NYAP2: variants seen among roughly 807,000 people sequenced by gnomAD.
The protein encoded by NYAP2 is neuronal tyrosine-phosphorylated phosphoinositide-3-kinase adapter 2.
A neutral mutation model predicts 50.4 loss-of-function variants in NYAP2; 23 were observed. The observed-to-expected ratio is 0.46, with a 90% confidence interval of 0.33 to 0.65. The LOEUF (loss-of-function observed/expected upper bound fraction) is 0.65. Ranked by LOEUF, NYAP2 falls within the 30% of genes least tolerant of loss-of-function variation. The probability of loss-of-function intolerance (pLI) is 0.02; values close to 1 mark genes in which losing one functional copy is unlikely to be tolerated. For missense variants in NYAP2, 885 were observed against 861.0 expected (o/e 1.03, Z -0.35); for synonymous variants, 394 against 365.2 (o/e 1.08, Z -0.90).
the NYAP2 span, among the ~76,000 whole-genome samples, chr2:225,678,103 T>C: frequency 5.3e-5 from 8 of 152,214 alleles, no homozygotes; most frequent in East Asian, 1.4e-3. Flanking sequence ...AACTTCTTAT[T>C]GGTCTATTCA....
At chr2:225,630,159 GAAGAAACTGCA>G (rs767220201) in intron 6 of NYAP2, among the ~76,000 whole-genome samples, 13 of 152,212 alleles carry the variant, frequency 8.5e-5, no homozygotes, top group Non-Finnish European at 1.8e-4. Flanking sequence ...AGGGAAGATT[GAAGAAACTGCA>G]AAGGTAGGTG....
intron 4 of NYAP2, among the ~76,000 whole-genome samples, chr2:225,568,581 A>G (rs1449816002): frequency 1.3e-5 from 2 of 152,242 alleles, no homozygotes; most frequent in Non-Finnish European, 2.9e-5. Flanking sequence ...ACAAAGATTT[A>G]CCAAGAATCT....
At chr2:225,404,075 C>T (rs1348373706) in intron 2 of NYAP2, among the ~76,000 whole-genome samples, 1 of 151,962 alleles carries the variant, frequency 6.6e-6, no homozygotes, top group Non-Finnish European at 1.5e-5. Context: ...TTGGGGAACT[C>T]AATCTTGATA....
chr2:225,460,217 C>T (rs1352563059), intron 3 of NYAP2, among the ~76,000 whole-genome samples: 1 of 152,064 alleles, frequency 6.6e-6, no homozygotes, highest in Admixed American at 6.5e-5. Flanking sequence ...TACCAGTCCC[C>T]CTTACAGATA....
chr2:225,635,457 C>T (rs1693397219), intron 6 of NYAP2, among the ~76,000 whole-genome samples: 1 of 152,132 alleles, frequency 6.6e-6, no homozygotes, highest in Non-Finnish European at 1.5e-5. Context: ...ATGCTTGGTA[C>T]AAAGCCGGTT....
At chr2:225,679,127 G>A in the NYAP2 span, among the ~76,000 whole-genome samples, 2 of 152,050 alleles carry the variant, frequency 1.3e-5, no homozygotes, top group South Asian at 2.1e-4. Flanking sequence ...AGCTTAATAA[G>A]TATGGACACA....
At chr2:225,675,107 T>C in the NYAP2 span, among the ~76,000 whole-genome samples, 4,245 of 152,274 alleles carry the variant, frequency 0.028, 227 homozygotes, top group African/African-American at 0.096. Flanking sequence ...TTATTGTTTA[T>C]TAGTGGTAAA....
intron 3 of NYAP2, among the ~76,000 whole-genome samples, chr2:225,498,866 T>C (rs570845731): frequency 6.6e-6 from 1 of 152,232 alleles, no homozygotes; most frequent in African/African-American, 2.4e-5. Flanking sequence ...AAAAGGGAGA[T>C]GGCAATGACA....
rs748665219 is a variant in NYAP2 at position 225,582,805 on chromosome 2, G to T, written c.1388G>T (p.Gly463Val). The T allele has an allele frequency of 2.5e-6, 4 of 1,613,874 alleles. No homozygotes were observed. In the Admixed American group the frequency reaches 5.0e-5, roughly 20 times the overall value. Residue 463 changes from glycine to valine, a missense_variant, in exon 5 of 7, where the codon GGC becomes GTC. Coordinates refer to ENST00000636099, the Ensembl canonical transcript of NYAP2. The surrounding 1 kb of genome is among the most constrained non-coding windows in gnomAD (Gnocchi z 7.0). Reference sequence around the variant, plus strand: ...CCCCCTTACGACGCTGTGCATTCGGGCAGCCTCTCAAGGAGCTCTCCTTCA... The same window carrying T: ...CCCCCTTACGACGCTGTGCATTCGGTCAGCCTCTCAAGGAGCTCTCCTTCA...
rs369369836 is a variant in NYAP2 at position 225,437,216 on chromosome 2, C to T, written c.221+28115C>T. 2.8e-4 allele frequency among the ~76,000 whole-genome samples: 42 copies of T among 152,230 alleles called. 1 individual carries two copies. The South Asian group carries it at 8.3e-3, about 30-fold the overall frequency. ...GCTGGACTGGAGCACGGGCACATCACAGGTAGTCATCCACAGCCACGTGGA... is the reference window on the plus strand; with the variant it reads ...GCTGGACTGGAGCACGGGCACATCATAGGTAGTCATCCACAGCCACGTGGA... On this transcript the variant is annotated intron_variant, in intron 3 of 6. Transcript: ENST00000636099.
intron 5 of NYAP2, among the ~76,000 whole-genome samples, chr2:225,584,615 C>T (rs1692359278): frequency 6.6e-6 from 1 of 152,140 alleles, no homozygotes; most frequent in African/African-American, 2.4e-5. Context: ...AAGAAACTCT[C>T]AATACTTTTG....
intron 3 of NYAP2, among the ~76,000 whole-genome samples, chr2:225,506,615 G>A (rs1204308004): frequency 6.6e-6 from 1 of 152,206 alleles, no homozygotes; most frequent in Non-Finnish European, 1.5e-5. Flanking sequence ...AGCACAAGGT[G>A]AGCATTTGGC....
chr2:225,513,615 G>A, exon 4 of NYAP2: 2 of 1,556,906 alleles, frequency 1.3e-6, no homozygotes, highest in Non-Finnish European at 1.7e-6. Context: ...CACCTCATCA[G>A]AGACAGTCAG....
intron 3 of NYAP2, among the ~76,000 whole-genome samples, chr2:225,440,555 T>C (rs1473849957): frequency 1.3e-5 from 2 of 152,150 alleles, no homozygotes; most frequent in African/African-American, 4.8e-5. Context: ...ATTTCGTTAA[T>C]GTAAAACATG....
At chr2:225,547,609 G>T (rs1370520088) in intron 4 of NYAP2, among the ~76,000 whole-genome samples, 1 of 152,172 alleles carries the variant, frequency 6.6e-6, no homozygotes, top group African/African-American at 2.4e-5. Flanking sequence ...TGAGTTCAAT[G>T]AAGGAACCCA....
chr2:225,554,550 CTGACCTCA>C (rs1257067662), intron 4 of NYAP2, among the ~76,000 whole-genome samples: 26 of 151,984 alleles, frequency 1.7e-4, no homozygotes, highest in African/African-American at 6.3e-4. Flanking sequence ...TCTTGATCTC[CTGACCTCA>C]TGATCTGCCT....
chr2:225,696,979 T>A, the NYAP2 span, among the ~76,000 whole-genome samples: 2 of 151,974 alleles, frequency 1.3e-5, no homozygotes, highest in African/African-American at 4.8e-5. Flanking sequence ...ATGTAAGTAT[T>A]TGCTCTAATT....
At chr2:225,409,037 A>G (rs1415855490) in exon 3 of NYAP2, 1 of 1,612,250 alleles carries the variant, frequency 6.2e-7, no homozygotes, top group East Asian at 2.2e-5. Flanking sequence ...GAGAAATGAA[A>G]CTAACCTAGC....
chr2:225,647,923 C>T (rs944066315), intron 6 of NYAP2, among the ~76,000 whole-genome samples: 7 of 151,956 alleles, frequency 4.6e-5, no homozygotes, highest in Admixed American at 1.3e-4. Context: ...AATCAAAAGT[C>T]GATACCAAGA....
Sources: gnomAD v4.1 joint callset for allele counts (sites outside exome capture counted in the v4.1 genomes callset) on GRCh38, gnomAD v4.1.1 for gene constraint, Gnocchi (gnomAD v3.1) non-coding constraint, MANE v1.5 for transcripts, NCBI Gene and HGNC (gene_info 2026-07-23, HGNC 2026-07-21) for gene names.